Variants in FOXO3B observed in about 807,000 individuals in gnomAD.
The protein encoded by FOXO3B is forkhead box O3B, also known as forkhead box protein O3B.
A neutral mutation model predicts 21.9 loss-of-function variants in FOXO3B; 15 were observed. The observed-to-expected ratio is 0.68, with a 90% confidence interval of 0.46 to 1.05. The LOEUF (loss-of-function observed/expected upper bound fraction) is 1.05. FOXO3B is among the 50% of genes least tolerant of loss of function. The pLI, the probability that FOXO3B is intolerant of heterozygous loss-of-function variation, is 0.00. For missense variants in FOXO3B, 293 were observed against 435.5 expected (o/e 0.67, Z 2.91); for synonymous variants, 135 against 213.6 (o/e 0.63, Z 3.21).
intron 3 of FOXO3B, chr17:18,677,235 A>G: frequency 3.8e-6 from 6 of 1,572,666 alleles, no homozygotes; most frequent in Non-Finnish European, 5.2e-6. Context: ...ATCCTCTGAT[A>G]AAACAAGTCT....
rs531071449 is a variant in FOXO3B at position 18,677,857 on chromosome 17, G to C, written c.126+2884C>G. 17 of 938,244 alleles carry C rather than the reference G, an allele frequency of 1.8e-5. 1 individual carries two copies. The Admixed American group carries it at 2.6e-4, about 14-fold the overall frequency. The allele number at this position is 938,244 out of a possible 1,614,324, so 58.1% of individuals were successfully genotyped here. The stretch of plus-strand genomic sequence containing the variant: ...TTTAAATTATGGCTGGGGTCGGGGA[G>C]GGTACAGGGGGCACTGAGACCTGGA... On this transcript the variant is annotated intron_variant, in intron 3 of 3. Coordinates refer to ENST00000395675, the MANE Select transcript of FOXO3B (RefSeq NM_001368135.1).
chr17:18,672,649 A>C lies in FOXO3B; in HGVS notation c.533T>G (p.Leu178Arg). The change falls in exon 4 of 4, where the codon CTC becomes CGC. Residue 178 changes from leucine (L) to arginine (R), a missense_variant. This residue lies in a region of FOXO3B where 251 missense variants were observed against 404.0 expected (regional missense o/e 0.62). Coordinates refer to ENST00000395675, the MANE Select transcript of FOXO3B (RefSeq NM_001368135.1). This position sits in a 1 kb window ranked among gnomAD's most constrained non-coding sequence, Gnocchi z 4.2. ...GGSRTLVSGL[L>R]LEDSVRVLAP... ...CAGCACCCGGACCGAGTCCTCAAGGAGCAGCCCGGAGACCAGCGTGCGGCT... is the reference window on the plus strand; with the variant it reads ...CAGCACCCGGACCGAGTCCTCAAGGCGCAGCCCGGAGACCAGCGTGCGGCT... 1 of 1,490,696 alleles carries C rather than the reference A, an allele frequency of 6.7e-7. No homozygotes were observed. 92.3% of individuals were successfully genotyped at this position (1,490,696 alleles called of 1,614,324 possible).
intron 3 of FOXO3B, among the ~76,000 whole-genome samples, chr17:18,673,999 G>A (rs1215238264): frequency 6.6e-6 from 1 of 150,900 alleles, no homozygotes; most frequent in Non-Finnish European, 1.5e-5. Flanking sequence ...AACAATTACT[G>A]GAAAAGGATG....
In FOXO3B at chr17:18,672,974, G is replaced by C; in HGVS notation, c.208C>G (p.Arg70Gly). The C allele has an allele frequency of 6.7e-7, 1 of 1,487,908 alleles. No individual in the cohort carries two copies. The highest frequency in any genetic ancestry group is 8.9e-7 in the Non-Finnish European group (1 of 1,124,448). 92.2% of individuals were successfully genotyped at this position (1,487,908 alleles called of 1,614,324 possible). A position where few individuals can be genotyped will look rare whatever the true frequency, so the allele number is the denominator to read the frequency against. ...GCTGGGGTTCTCGCGCTCTCCTCTC[G>C]CGCCGGGGCGGGGTGCAGCGGGGGA... is the stretch of plus-strand genomic sequence containing the variant. ...VPPPLHPAPA[R>G]EESARTPAAA... Residue 70 changes from arginine (R) to glycine (G), a missense_variant, in exon 4 of 4, where the codon CGA becomes GGA. Physicochemically the swap from Arg to Gly is moderately radical, Grantham distance 125 (BLOSUM62 -2). Coordinates refer to ENST00000395675, the MANE Select transcript of FOXO3B (RefSeq NM_001368135.1). The surrounding 1 kb of genome is among the most constrained non-coding windows in gnomAD (Gnocchi z 4.2).
chr17:18,679,843 T>TC (rs2151737391), intron 3 of FOXO3B, among the ~76,000 whole-genome samples: 1 of 143,812 alleles, frequency 7.0e-6, no homozygotes, highest in East Asian at 1.9e-4. Flanking sequence ...ATTCAAAAAT[T>TC]CTTTTTTTTT....
At chr17:18,679,660 C>T (rs1466163527) in intron 3 of FOXO3B, among the ~76,000 whole-genome samples, 2 of 151,844 alleles carry the variant, frequency 1.3e-5, no homozygotes, top group Non-Finnish European at 2.9e-5. Flanking sequence ...GTTGGTCAGG[C>T]TGGTCTTGAA....
intron 1 of FOXO3B, 146 bp downstream of exon 1, chr17:18,682,058 C>A (rs1176225968): frequency 1.4e-4 from 83 of 611,962 alleles, no homozygotes; most frequent in Admixed American, 6.6e-4. Context: ...GAGGATCAGG[C>A]CAGAGTGAGA....
In FOXO3B at chr17:18,672,513, C is replaced by T; in HGVS notation, c.669G>A (p.Pro223=). The change falls in exon 4 of 4, where the codon CCG becomes CCA. Residue 223 remains proline (P), a synonymous_variant. Transcript: ENST00000395675. This position sits in a 1 kb window ranked among gnomAD's most constrained non-coding sequence, Gnocchi z 4.2. ...GCTGCCCGGAGCCCCCAGCCGCCCC[C>T]GGCTGCGGCGGTGGCAGCGGTTGCT... is the stretch of plus-strand genomic sequence containing the variant. ...QPQQPLPPPQ[P]GAAGGSGQPR... is the part of the protein sequence containing the mutation. 2.0e-6 allele frequency: 3 copies of T among 1,513,744 alleles called. No homozygotes were observed. The highest frequency in any genetic ancestry group is 2.2e-5 in the Admixed American group (1 of 46,444). 93.8% of individuals were successfully genotyped at this position (1,513,744 alleles called of 1,614,324 possible).
rs34466734 is a variant in FOXO3B, at chr17:18,674,639, A to AGGG, written c.127-1587_127-1585dup. Among the ~76,000 whole-genome samples, 5 of 121,406 alleles carry AGGG rather than the reference A, an allele frequency of 4.1e-5. 1 individual carries two copies. Among genetic ancestry groups the AGGG allele is most frequent in the African/African-American group, 1.8e-4 (5 of 28,518 alleles). 79.6% of individuals were successfully genotyped at this position (121,406 alleles called of 152,430 possible). A position where few individuals can be genotyped will look rare whatever the true frequency, so the allele number is the denominator to read the frequency against. On this transcript the variant is annotated intron_variant, in intron 3 of 3. Transcript: ENST00000395675. ...AGACTCCATCTCAAAAAAAAAAAAA[A>AGGG]GGGGGGGGGGAGATTACAGACAAAT...
Position 18,672,882 on chromosome 17 carries a change from T to C in FOXO3B, c.300A>G (p.Glu100=). ...PASPAPLSPL[E]VELDPEFEPQ... ...GCTCGAACTCCGGGTCCAGCTCCACTTCGAGCGGAGAAAGCGGGGCCGGGG... is the reference window on the plus strand; with the variant it reads ...GCTCGAACTCCGGGTCCAGCTCCACCTCGAGCGGAGAAAGCGGGGCCGGGG... Residue 100 remains glutamate (E), a synonymous_variant, in exon 4 of 4, where the codon GAA becomes GAG. Coordinates refer to ENST00000395675, the MANE Select transcript of FOXO3B (RefSeq NM_001368135.1). The surrounding 1 kb of genome is among the most constrained non-coding windows in gnomAD (Gnocchi z 4.2). 3 of 1,561,042 alleles carry C rather than the reference T, an allele frequency of 1.9e-6. No homozygotes were observed. The highest frequency in any genetic ancestry group is 1.9e-5 in the Admixed American group (1 of 52,512).
Position 18,672,627 on chromosome 17 carries a change from C to A in FOXO3B, c.555G>T (p.Val185=). The change falls in exon 4 of 4, where the codon GTG becomes GTT. Residue 185 remains valine, a synonymous_variant. Transcript: ENST00000395675. The surrounding 1 kb of genome is among the most constrained non-coding windows in gnomAD (Gnocchi z 4.2). ...SGLLLEDSVR[V]LAPGGQDPGS... ...CGGGGTCTTGCCCTCCGGGTGCCAG[C>A]ACCCGGACCGAGTCCTCAAGGAGCA... The A allele has an allele frequency of 6.2e-6, 9 of 1,453,546 alleles. No individual in the cohort carries two copies. Among genetic ancestry groups the A allele is most frequent in the Non-Finnish European group, 8.1e-6 (9 of 1,113,820 alleles). 90.0% of individuals were successfully genotyped at this position (1,453,546 alleles called of 1,614,324 possible).
At chr17:18,680,696 T>G (rs112134397) in intron 3 of FOXO3B, 45 bp downstream of exon 3, 212,846 of 1,585,996 alleles carry the variant, frequency 0.13, 14,811 homozygotes, top group African/African-American at 0.28. Flanking sequence ...GCATCTGTAC[T>G]CTAAGAAACA....
intron 3 of FOXO3B, among the ~76,000 whole-genome samples, chr17:18,673,310 C>T (rs2032415805): frequency 6.6e-6 from 1 of 152,158 alleles, no homozygotes; most frequent in Non-Finnish European, 1.5e-5. Flanking sequence ...TGGGGTCTCA[C>T]TTTATTGCTC....
At position 18,672,345 on chromosome 17, in the gene FOXO3B, G is replaced by A; in HGVS notation, c.837C>T (p.Phe279=). 6.2e-7 allele frequency: 1 copy of A among 1,612,344 alleles called. No homozygotes were observed. ...AGCTGTTGCTGTTGCCCTTATCCTT[G>A]AAGTAGGGCACGCAACTCACCATCC... ...YEWMVSCVPY[F]KDKGNSNSSA... is the part of the protein sequence containing the mutation. The change falls in exon 4 of 4, where the codon TTC becomes TTT. Residue 279 remains phenylalanine (F), a synonymous_variant. Transcript: ENST00000395675. This position sits in a 1 kb window ranked among gnomAD's most constrained non-coding sequence, Gnocchi z 4.2.
intron 3 of FOXO3B, among the ~76,000 whole-genome samples, chr17:18,680,107 G>A (rs1364904183): frequency 1.3e-5 from 2 of 152,138 alleles, no homozygotes; most frequent in Non-Finnish European, 2.9e-5. Flanking sequence ...CCAAAGTGCT[G>A]GAATTACGGG....
chr17:18,677,418 C>T (rs2032509837), intron 3 of FOXO3B: 19 of 1,614,136 alleles, frequency 1.2e-5, no homozygotes, highest in South Asian at 1.1e-4. Flanking sequence ...GCTGGGCATC[C>T]GACACGTACT....
rs1273671347 is a variant in FOXO3B, at chr17:18,671,909, C to A, written c.*400G>T. 4 of 1,613,446 alleles carry A rather than the reference C, an allele frequency of 2.5e-6. No homozygotes were observed. Among genetic ancestry groups the A allele is most frequent in the Admixed American group, 3.3e-5 (2 of 59,988 alleles). ...TAGAGCATGGGCGAGAGAGGCGCAT[C>A]GTCGTCCTGGACTTCATCCAACTCT... On this transcript the variant is annotated 3_prime_UTR_variant, in exon 4 of 4. Transcript: ENST00000395675.
chr17:18,677,457 C>T, intron 3 of FOXO3B: 12 of 1,614,194 alleles, frequency 7.4e-6, no homozygotes, highest in Non-Finnish European at 9.3e-6. Flanking sequence ...GCTGATCCAC[C>T]CTAACCCCGA....
At position 18,671,598 on chromosome 17, in the gene FOXO3B, A is replaced by T. The variant is rs938360289; in HGVS notation, c.*711T>A. 1 of 1,613,608 alleles carries T rather than the reference A, an allele frequency of 6.2e-7. No homozygotes were observed. The highest frequency in any genetic ancestry group is 1.1e-5 in the South Asian group (1 of 91,060). ...GATGGTCTGCATGGGAGACTGGCGT[A>T]GGGAGTTCAGAGATGAAGGTCCAAA... is the stretch of plus-strand genomic sequence containing the variant. On this transcript the variant is annotated 3_prime_UTR_variant, in exon 4 of 4. Coordinates refer to ENST00000395675, the MANE Select transcript of FOXO3B (RefSeq NM_001368135.1).
Sources: gnomAD v4.1 joint callset for allele counts (sites outside exome capture counted in the v4.1 genomes callset) on GRCh38, gnomAD v4.1.1 for gene constraint, gnomAD v4.1.1 regional missense constraint, Gnocchi (gnomAD v3.1) non-coding constraint, MANE v1.5 for transcripts, NCBI Gene and HGNC (gene_info 2026-07-23, HGNC 2026-07-21) for gene names.